Variants in DENND1B observed in about 807,000 individuals in gnomAD.
The protein encoded by DENND1B is DENN domain containing 1B, also known as DENN domain-containing protein 1B.
A neutral mutation model predicts 90.1 loss-of-function variants in DENND1B; 59 were observed. That is an observed-to-expected ratio of 0.65 (90% confidence interval 0.53 to 0.81). DENND1B has a LOEUF of 0.81. Ranked by LOEUF, DENND1B falls within the 40% of genes least tolerant of loss-of-function variation. The pLI is 0.00. For missense variants in DENND1B, 862 were observed against 912.6 expected (o/e 0.94, Z 0.71); for synonymous variants, 337 against 324.6 (o/e 1.04, Z -0.41).
intron 16 of DENND1B, chr1:197,552,777 T>G: frequency 7.8e-7 from 1 of 1,277,360 alleles, no homozygotes; most frequent in South Asian, 2.3e-5. Context: ...TTTCCAGCAA[T>G]ATTAAGAGAT....
intron 20 of DENND1B, among the ~76,000 whole-genome samples, chr1:197,529,264 G>GTATATATGTATATATATGTATATA (rs1558206003): frequency 1.9e-5 from 1 of 52,556 alleles, no homozygotes; most frequent in Non-Finnish European, 3.7e-5. Flanking sequence ...GTGTGTGTGT[G>GTATATATGTATATATATGTATATA]TGTGTATATG....
chr1:197,763,358 A>C (rs949372434), intron 2 of DENND1B, among the ~76,000 whole-genome samples: 3 of 152,232 alleles, frequency 2.0e-5, no homozygotes, highest in African/African-American at 7.2e-5. Context: ...TTTTAAAAGA[A>C]AGGAATTTAA....
Position 197,595,255 on chromosome 1 carries a change from G to C in DENND1B, c.1000C>G (p.Gln334Glu). ...CTGTAGGATCCAAACAAAGCAGCCT[G>C]TGCTCTAAGAAAGGCCCTAGCTACT... ...DGVARAFLRA[Q>E]AALFGSYRDA... The change falls in exon 14 of 23, where the codon CAG (glutamine) becomes GAG (glutamate). Residue 334 changes from glutamine to glutamate, a missense_variant. Transcript: ENST00000620048. 1.9e-6 allele frequency: 3 copies of C among 1,613,428 alleles called. No individual in the cohort carries two copies. The highest frequency in any genetic ancestry group is 2.5e-6 in the Non-Finnish European group (3 of 1,179,490).
At chr1:197,750,612 A>AGATAGATG in intron 2 of DENND1B, among the ~76,000 whole-genome samples, 1 of 151,800 alleles carries the variant, frequency 6.6e-6, no homozygotes, top group South Asian at 2.1e-4. Context: ...ATAGATAGAT[A>AGATAGATG]AAGATATAGA....
At chr1:197,514,690 C>T (rs1325913936) in intron 20 of DENND1B, among the ~76,000 whole-genome samples, 1 of 151,424 alleles carries the variant, frequency 6.6e-6, no homozygotes, top group Non-Finnish European at 1.5e-5. Context: ...CTCCTTCCTT[C>T]TGCATATGTT....
At chr1:197,735,317 G>C in intron 2 of DENND1B, 1 of 1,256,570 alleles carries the variant, frequency 8.0e-7, no homozygotes, top group African/African-American at 1.5e-5. Context: ...TCTGCTTCAA[G>C]TGGTTTTATT....
chr1:197,761,932 T>A (rs1322120294), intron 2 of DENND1B: 1 of 152,094 alleles, frequency 6.6e-6, no homozygotes, highest in African/African-American at 2.4e-5. Context: ...AAGTTTTTTT[T>A]AAATAAAGTG....
chr1:197,757,084 C>T (rs1415737127), intron 2 of DENND1B, among the ~76,000 whole-genome samples: 1 of 151,562 alleles, frequency 6.6e-6, no homozygotes, highest in Non-Finnish European at 1.5e-5. Flanking sequence ...AAGAGATGTA[C>T]CTGCAGTTTG....
chr1:197,523,728 C>T (rs772143971), intron 20 of DENND1B, among the ~76,000 whole-genome samples: 42 of 152,162 alleles, frequency 2.8e-4, no homozygotes, highest in Non-Finnish European at 5.1e-4. Context: ...CCGATGGACT[C>T]AGCCTCTTAT....
intron 11 of DENND1B, among the ~76,000 whole-genome samples, chr1:197,615,829 A>C (rs1302685819): frequency 2.0e-5 from 3 of 151,022 alleles, no homozygotes; most frequent in African/African-American, 7.3e-5. Context: ...TCTTTGAACC[A>C]GGGAGGTTTT....
rs1236937190 is a variant in DENND1B at position 197,507,457 on chromosome 1, T to C, written c.*3003A>G. 2 of 151,352 alleles carry C rather than the reference T, an allele frequency of 1.3e-5. No individual in the cohort carries two copies. The highest frequency in any genetic ancestry group is 4.8e-5 in the African/African-American group (2 of 41,322). The allele number at this position is 151,352 out of a possible 1,614,324, so 9.4% of individuals were successfully genotyped here. A position where few individuals can be genotyped will look rare whatever the true frequency, so the allele number is the denominator to read the frequency against. ...TTAGTAATATTTTCACTTAAAAAAA[T>C]AGCTCCTAAATTCCAATATTATTTC... On this transcript the variant is annotated 3_prime_UTR_variant, in exon 23 of 23. Transcript: ENST00000620048.
chr1:197,558,045 T>C (rs1256451701), intron 15 of DENND1B, among the ~76,000 whole-genome samples: 2 of 151,896 alleles, frequency 1.3e-5, no homozygotes, highest in African/African-American at 2.4e-5. Context: ...ATTAGTTTAT[T>C]ATTATAAGTA....
chr1:197,526,160 T>C (rs891552910), intron 20 of DENND1B, among the ~76,000 whole-genome samples: 1 of 152,240 alleles, frequency 6.6e-6, no homozygotes, highest in African/African-American at 2.4e-5. Flanking sequence ...TAGAGATCTA[T>C]TGACATTTCT....
At chr1:197,534,112 G>C (rs1669707363) in intron 20 of DENND1B, among the ~76,000 whole-genome samples, 1 of 1,068 alleles carries the variant, frequency 9.4e-4, no homozygotes, top group African/African-American at 9.5e-4. Flanking sequence ...ATCAAAAAGT[G>C]GGCGAAGGAC....
intron 20 of DENND1B, among the ~76,000 whole-genome samples, chr1:197,519,865 G>A (rs1461694615): frequency 1.3e-5 from 2 of 151,746 alleles, no homozygotes; most frequent in Admixed American, 6.6e-5. Context: ...ATTTTTTAAG[G>A]GGCCCATTAA....
At chr1:197,683,684 T>G (rs1656928949) in intron 3 of DENND1B, among the ~76,000 whole-genome samples, 1 of 152,172 alleles carries the variant, frequency 6.6e-6, no homozygotes, top group Non-Finnish European at 1.5e-5. Context: ...TCTTCATATT[T>G]TTATACTCCC....
intron 16 of DENND1B, among the ~76,000 whole-genome samples, chr1:197,551,833 A>C (rs1671266181): frequency 6.6e-6 from 1 of 152,140 alleles, no homozygotes; most frequent in Admixed American, 6.6e-5. Flanking sequence ...CAAAAGTTCC[A>C]TTGAAGCTAA....
intron 20 of DENND1B, among the ~76,000 whole-genome samples, chr1:197,526,245 T>C (rs1268389008): frequency 6.6e-6 from 1 of 152,104 alleles, no homozygotes; most frequent in Non-Finnish European, 1.5e-5. Context: ...GTTTTTCCTT[T>C]CATCAACACC....
chr1:197,586,936 T>C (rs1167651879), intron 14 of DENND1B, among the ~76,000 whole-genome samples: 1 of 152,128 alleles, frequency 6.6e-6, no homozygotes, highest in East Asian at 1.9e-4. Flanking sequence ...AAGATGAGGG[T>C]TGAACACAGT....
Sources: allele counts gnomAD v4.1 joint callset (sites outside exome capture counted in the v4.1 genomes callset), GRCh38; gene constraint gnomAD v4.1.1; transcripts MANE v1.5; gene names NCBI Gene and HGNC (gene_info 2026-07-23, HGNC 2026-07-21).